The following NRG1 variants were observed in gnomAD, a reference collection of about 807,000 sequenced individuals.
The protein encoded by NRG1 is pro-neuregulin-1, membrane-bound isoform.
NRG1 carries 18 observed loss-of-function variants against 63.8 expected under a neutral mutation model. That is an observed-to-expected ratio of 0.28 (90% CI 0.19 to 0.42). NRG1 has a LOEUF of 0.42. Among genes scored for constraint, NRG1 ranks in the 10% least tolerant of loss-of-function variants. The probability of loss-of-function intolerance (pLI) is 1.00; values close to 1 mark genes in which losing one functional copy is unlikely to be tolerated. For missense variants in NRG1, 762 were observed against 814.7 expected, an observed-to-expected ratio of 0.94 and a Z score of 0.79; for synonymous variants, 302 against 301.3, an observed-to-expected ratio of 1.00 and a Z score of -0.02.
At chr8:32,098,006 A>G (rs1208122896) in intron 1 of NRG1, among the ~76,000 whole-genome samples, 1 of 152,166 alleles carries the variant, frequency 6.6e-6, no homozygotes, top group Non-Finnish European at 1.5e-5. Context: ...GAGATCCTCC[A>G]TGTAAAGATT....
chr8:32,271,421 G>A (rs1851530676), intron 1 of NRG1, among the ~76,000 whole-genome samples: 1 of 152,174 alleles, frequency 6.6e-6, no homozygotes, highest in African/African-American at 2.4e-5. Context: ...GAGGAGAAGA[G>A]ACTGAGTATT....
At chr8:32,378,805 T>G in intron 1 of NRG1, among the ~76,000 whole-genome samples, 1 of 140,490 alleles carries the variant, frequency 7.1e-6, no homozygotes, top group South Asian at 2.6e-4. Context: ...GAGTGTGTTG[T>G]TCCCCTTCCT....
intron 1 of NRG1, among the ~76,000 whole-genome samples, chr8:32,363,439 C>T (rs992519809): frequency 7.9e-5 from 12 of 152,238 alleles, no homozygotes; most frequent in Admixed American, 4.6e-4. Flanking sequence ...TCTTGGTATA[C>T]GGGTATTAAA....
At chr8:32,102,559 G>A (rs1235154686) in intron 1 of NRG1, among the ~76,000 whole-genome samples, 2 of 152,192 alleles carry the variant, frequency 1.3e-5, no homozygotes, top group Non-Finnish European at 2.9e-5. Flanking sequence ...ACACTGATAA[G>A]TAAATGATTA....
chr8:32,426,890 A>C (rs2129486480), intron 1 of NRG1, among the ~76,000 whole-genome samples: 1 of 152,320 alleles, frequency 6.6e-6, no homozygotes, highest in South Asian at 2.1e-4. Context: ...TGAAGACGAA[A>C]GTTGAGCAAA....
chr8:32,721,826 G>C, intron 5 of NRG1: 1 of 1,361,172 alleles, frequency 7.3e-7, no homozygotes, highest in Admixed American at 3.6e-5. Context: ...TACATTAGGT[G>C]GCACAGCTCT....
intron 5 of NRG1, among the ~76,000 whole-genome samples, chr8:32,725,098 CT>C (rs1245150316): frequency 6.6e-6 from 1 of 151,756 alleles, no homozygotes; most frequent in East Asian, 1.9e-4. Context: ...TATGTCACTG[CT>C]TTTTTTTATT....
intron 1 of NRG1, among the ~76,000 whole-genome samples, chr8:32,380,821 A>G (rs1343733057): frequency 6.6e-6 from 1 of 152,184 alleles, no homozygotes; most frequent in East Asian, 1.9e-4. Context: ...TACATGTGAT[A>G]ATTTAAGACA....
At chr8:32,676,041 A>G (rs1173129887) in intron 5 of NRG1, among the ~76,000 whole-genome samples, 6 of 152,160 alleles carry the variant, frequency 3.9e-5, no homozygotes, top group Admixed American at 2.0e-4. Context: ...CATGACAATA[A>G]TAATAATCAT....
At chr8:32,620,287 C>A (rs1048320091) in intron 5 of NRG1, among the ~76,000 whole-genome samples, 1 of 152,098 alleles carries the variant, frequency 6.6e-6, no homozygotes, top group African/African-American at 2.4e-5. Flanking sequence ...CCTGTACCGG[C>A]TACATTCTTT....
chr8:32,014,788 C>A (rs2130043589), intron 1 of NRG1, among the ~76,000 whole-genome samples: 1 of 147,762 alleles, frequency 6.8e-6, no homozygotes, highest in Non-Finnish European at 1.5e-5. Flanking sequence ...GAAATAAGGT[C>A]TTTGCAGATG....
chr8:31,696,498 C>T (rs951831620), intron 1 of NRG1, among the ~76,000 whole-genome samples: 5 of 152,152 alleles, frequency 3.3e-5, no homozygotes, highest in African/African-American at 4.8e-5. Context: ...GTGATAAGTA[C>T]TTCCACAGTG....
Position 32,647,548 on chromosome 8 carries a change from C to A in NRG1, c.502+30663C>A, listed in dbSNP as rs557243824. ...ACTTTGATTTTGTAGTTGCTAGGAG[C>A]TTTTCTTCCCCCCTTGCATCTTTCT... On this transcript the variant is annotated intron_variant, in intron 5 of 11. Coordinates refer to ENST00000356819, the Ensembl canonical transcript of NRG1. 2.0e-5 allele frequency: 20 copies of A among 985,360 alleles called. No individual in the cohort carries two copies. In the South Asian group the frequency reaches 7.5e-4, roughly 37 times the overall value. 61.0% of individuals were successfully genotyped at this position (985,360 alleles called of 1,614,324 possible). A position where few individuals can be genotyped will look rare whatever the true frequency, so the allele number is the denominator to read the frequency against.
chr8:32,481,091 C>T (rs991822786), intron 1 of NRG1, among the ~76,000 whole-genome samples: 1 of 152,030 alleles, frequency 6.6e-6, no homozygotes, highest in Non-Finnish European at 1.5e-5. Flanking sequence ...TGCCTATAAT[C>T]CAAGCACTTT....
At chr8:31,765,556 A>C (rs1173007425) in intron 1 of NRG1, among the ~76,000 whole-genome samples, 1 of 152,134 alleles carries the variant, frequency 6.6e-6, no homozygotes, top group African/African-American at 2.4e-5. Flanking sequence ...GAATTTTGGC[A>C]AATACTTTTT....
At chr8:32,037,548 C>T (rs1042456918) in intron 1 of NRG1, among the ~76,000 whole-genome samples, 2 of 152,142 alleles carry the variant, frequency 1.3e-5, no homozygotes, top group African/African-American at 2.4e-5. Context: ...TGTTGATTCA[C>T]GATACCGCAG....
chr8:31,940,905 A>G (rs1427080508), intron 1 of NRG1, among the ~76,000 whole-genome samples: 1 of 152,066 alleles, frequency 6.6e-6, no homozygotes, highest in Non-Finnish European at 1.5e-5. Flanking sequence ...AAATGGTAAT[A>G]AAAAAATTGC....
intron 1 of NRG1, among the ~76,000 whole-genome samples, chr8:32,391,393 A>T (rs1811753866): frequency 6.6e-6 from 1 of 152,108 alleles, no homozygotes; most frequent in Non-Finnish European, 1.5e-5. Flanking sequence ...TCAGTGATAC[A>T]AGTGCTGGTT....
chr8:32,660,160 T>A (rs985404363), intron 5 of NRG1, among the ~76,000 whole-genome samples: 2 of 152,220 alleles, frequency 1.3e-5, no homozygotes, highest in African/African-American at 4.8e-5. Context: ...TTTTTGAGCA[T>A]CACCATGATG....
Sources: gnomAD v4.1 joint callset for allele counts (sites outside exome capture counted in the v4.1 genomes callset) on GRCh38, gnomAD v4.1.1 for gene constraint, MANE v1.5 for transcripts, NCBI Gene and HGNC (gene_info 2026-07-23, HGNC 2026-07-21) for gene names.